The following FAM98B variants were observed in gnomAD, a reference collection of about 807,000 sequenced individuals.
FAM98B encodes the protein tRNA splicing ligase complex subunit 3B.
Under a neutral mutation model 43.9 loss-of-function variants are expected in FAM98B, and 32 were observed. The ratio of observed to expected loss-of-function variants is 0.73; its 90% CI spans 0.55 to 0.98. FAM98B has a LOEUF of 0.98. FAM98B is among the 50% of genes least tolerant of loss of function. The pLI is 0.00. For synonymous variants in FAM98B, 190 were observed against 174.0 expected, an observed-to-expected ratio of 1.09 and a Z score of -0.72; for missense variants, 514 against 522.9, an observed-to-expected ratio of 0.98 and a Z score of 0.17.
intron 7 of FAM98B, chr15:38,483,552 A>G (rs113967499): frequency 0.049 from 7,448 of 150,800 alleles, 484 homozygotes; most frequent in African/African-American, 0.15. Flanking sequence ...TGTAGTCCCA[A>G]CTACTCGGGG....
At chr15:38,467,401 C>T (rs960345774) in intron 3 of FAM98B, among the ~76,000 whole-genome samples, 3 of 152,104 alleles carry the variant, frequency 2.0e-5, no homozygotes, top group Admixed American at 6.6e-5. Flanking sequence ...GACATGAACA[C>T]GCATTCTACA....
At chr15:38,467,971 A>G (rs1890064173) in intron 3 of FAM98B, among the ~76,000 whole-genome samples, 1 of 152,152 alleles carries the variant, frequency 6.6e-6, no homozygotes, top group African/African-American at 2.4e-5. Flanking sequence ...TTGAATACAT[A>G]CACACACACA....
chr15:38,469,396 T>C (rs1190535612), intron 3 of FAM98B, among the ~76,000 whole-genome samples: 1 of 152,218 alleles, frequency 6.6e-6, no homozygotes, highest in Non-Finnish European at 1.5e-5. Context: ...TATATATCAG[T>C]TAGAGCTATA....
At position 38,484,632 on chromosome 15, in the gene FAM98B, T is replaced by A. The variant is rs777061278; in HGVS notation, c.1275T>A (p.Gly425=). The A allele has an allele frequency of 9.6e-5, 143 of 1,490,568 alleles. No individual in the cohort carries two copies. The highest frequency in any genetic ancestry group is 1.5e-4 in the Admixed American group (6 of 38,998). 92.3% of individuals were successfully genotyped at this position (1,490,568 alleles called of 1,614,324 possible). ...GTGGTGGTGGTGGTGGTGGTGGTGG[T>A]GGAGGAGGTGGATATAGAAGATACT... The part of the protein sequence containing the change: ...GGGGGGGGGG[G]GGGGYRRY The change falls in exon 8 of 8, where the codon GGT becomes GGA. Residue 425 remains glycine (G), a synonymous_variant. Coordinates refer to ENST00000397609, the MANE Select transcript of FAM98B (RefSeq NM_173611.4).
chr15:38,478,071 C>G (rs1417521568), intron 6 of FAM98B, among the ~76,000 whole-genome samples: 3 of 152,134 alleles, frequency 2.0e-5, no homozygotes, highest in Admixed American at 6.5e-5. Context: ...TTAAAATTGT[C>G]TTAACGTACT....
At chr15:38,483,834 A>G (rs1890323926) in intron 7 of FAM98B, among the ~76,000 whole-genome samples, 1 of 151,842 alleles carries the variant, frequency 6.6e-6, no homozygotes, top group Non-Finnish European at 1.5e-5. Context: ...TATTTTTTAA[A>G]TTGAAACACC....
intron 3 of FAM98B, among the ~76,000 whole-genome samples, chr15:38,467,288 A>G (rs1266581115): frequency 2.6e-5 from 4 of 152,200 alleles, no homozygotes; most frequent in Non-Finnish European, 4.4e-5. Context: ...TGTTTGCAAC[A>G]TGTATAAAAT....
intron 4 of FAM98B, among the ~76,000 whole-genome samples, chr15:38,472,041 TAAAC>T (rs1890137365): frequency 6.6e-6 from 1 of 152,128 alleles, no homozygotes; most frequent in South Asian, 2.1e-4. Flanking sequence ...TCTAATAAGT[TAAAC>T]AAGCAAATTT....
intron 1 of FAM98B, among the ~76,000 whole-genome samples, chr15:38,462,097 A>T (rs534242868): frequency 1.3e-5 from 2 of 151,994 alleles, no homozygotes; most frequent in Non-Finnish European, 2.9e-5. Context: ...GTTGAATACT[A>T]TGTCTAAATA....
chr15:38,464,782 T>G (rs1890003372), intron 2 of FAM98B, among the ~76,000 whole-genome samples: 1 of 152,204 alleles, frequency 6.6e-6, no homozygotes, highest in South Asian at 2.1e-4. Context: ...CCTTTTTTTC[T>G]TAAGAGATGG....
rs747108766 is a variant in FAM98B at position 38,465,414 on chromosome 15, T to C, written c.352+11T>C. 9.5e-6 allele frequency: 15 copies of C among 1,573,458 alleles called. No individual in the cohort carries two copies. The African/African-American group carries it at 1.9e-4, about 20-fold the overall frequency. ...GTTTGAAACTTCTATGTAAGTTATC[T>C]TGAACATTTAAATGCATGTGTTTGA... is the stretch of plus-strand genomic sequence containing the variant. On this transcript the variant is annotated intron_variant, in intron 3 of 7. Transcript: ENST00000397609.
chr15:38,478,761 G>C (rs1566900895), intron 6 of FAM98B, among the ~76,000 whole-genome samples: 1 of 152,064 alleles, frequency 6.6e-6, no homozygotes, highest in Admixed American at 6.6e-5. Flanking sequence ...ACAGATTATA[G>C]TCATTTATTA....
At chr15:38,471,124 C>T (rs1435811750) in intron 4 of FAM98B, among the ~76,000 whole-genome samples, 1 of 151,822 alleles carries the variant, frequency 6.6e-6, no homozygotes, top group Non-Finnish European at 1.5e-5. Flanking sequence ...AAAATTCTTG[C>T]CTAATCTTCA....
chr15:38,471,882 C>T lies in FAM98B; in HGVS notation c.531+1477C>T, dbSNP rs1292944286. Among the ~76,000 whole-genome samples, 3 of 152,200 alleles carry T rather than the reference C, an allele frequency of 2.0e-5. No individual in the cohort carries two copies. The East Asian group carries it at 5.8e-4, about 29-fold the overall frequency. ...TTCTAAATGTTTACATGTAATAACT[C>T]ACTTAATTCTCACATCACCCATGTG... On this transcript the variant is annotated intron_variant, in intron 4 of 7. Transcript: ENST00000397609.
chr15:38,457,583 A>T (rs1889867542), intron 1 of FAM98B, among the ~76,000 whole-genome samples: 1 of 152,182 alleles, frequency 6.6e-6, no homozygotes, highest in Non-Finnish European at 1.5e-5. Flanking sequence ...GGTTGTAAGT[A>T]ATGGCAAGGG....
rs991568446 is a variant in FAM98B at position 38,484,886 on chromosome 15, G to A, written c.*227G>A. ...TATTCTGTGTACCCTTGAGCATGTT[G>A]TGTCTTTTTAAAAAACAAAAAAAAG... On this transcript the variant is annotated 3_prime_UTR_variant, in exon 8 of 8. Coordinates refer to ENST00000397609, the MANE Select transcript of FAM98B (RefSeq NM_173611.4). The A allele has an allele frequency of 3.6e-6, 2 of 556,444 alleles. No homozygotes were observed. Among genetic ancestry groups the A allele is most frequent in the East Asian group, 3.7e-5 (1 of 27,098 alleles). The allele number at this position is 556,444 out of a possible 1,614,324, so 34.5% of individuals were successfully genotyped here. A position where few individuals can be genotyped will look rare whatever the true frequency, so the allele number is the denominator to read the frequency against.
intron 7 of FAM98B, 171 bp downstream of exon 7, chr15:38,481,630 C>A: frequency 6.5e-7 from 1 of 1,534,020 alleles, no homozygotes; most frequent in Non-Finnish European, 8.8e-7. Context: ...TGTGTATGTT[C>A]ACTTGAATTT....
intron 1 of FAM98B, chr15:38,458,879 T>G (rs1469683295): frequency 1.1e-5 from 5 of 451,352 alleles, no homozygotes; most frequent in Admixed American, 4.9e-5. Context: ...CACTGCATTC[T>G]CTGGGTGGAA....
chr15:38,457,493 C>G (rs1018502326), intron 1 of FAM98B, among the ~76,000 whole-genome samples: 1 of 151,836 alleles, frequency 6.6e-6, no homozygotes, highest in African/African-American at 2.4e-5. Flanking sequence ...GGTGAGTGGT[C>G]GAAGAAGCAA....
Sources: allele counts gnomAD v4.1 joint callset (sites outside exome capture counted in the v4.1 genomes callset), GRCh38; gene constraint gnomAD v4.1.1; transcripts MANE v1.5; gene names NCBI Gene and HGNC (gene_info 2026-07-23, HGNC 2026-07-21).